Variants in WDR72 observed in about 807,000 individuals in gnomAD.
WDR72 encodes the protein WD repeat-containing protein 72.
In WDR72, 120 loss-of-function variants were observed where a neutral mutation model predicts 124.2. The ratio of observed to expected loss-of-function variants is 0.97; its 90% confidence interval spans 0.83 to 1.12. The LOEUF is 1.12. Among genes scored for constraint, WDR72 ranks in the 50% most tolerant of loss-of-function variants. The pLI, the probability that WDR72 is intolerant of heterozygous loss-of-function variation, is 0.00. For synonymous variants in WDR72, 452 were observed against 441.7 expected (o/e 1.02, Z -0.29); for missense variants, 1,387 against 1,278.8 (o/e 1.08, Z -1.29).
At chr15:53,670,255 T>C (rs1377277433) in intron 13 of WDR72, among the ~76,000 whole-genome samples, 1 of 152,232 alleles carries the variant, frequency 6.6e-6, no homozygotes, top group Non-Finnish European at 1.5e-5. Context: ...TAAGAAAAGA[T>C]AGCTTAAAGC....
chr15:53,595,399 C>G (rs1407766092), intron 18 of WDR72, among the ~76,000 whole-genome samples: 14 of 152,066 alleles, frequency 9.2e-5, no homozygotes, highest in Non-Finnish European at 1.5e-5. Flanking sequence ...ACTGCAGGAA[C>G]CTCCTTATGT....
At chr15:53,564,542 T>C (rs1211968208) in intron 18 of WDR72, among the ~76,000 whole-genome samples, 1 of 151,876 alleles carries the variant, frequency 6.6e-6, no homozygotes, top group Non-Finnish European at 1.5e-5. Context: ...CCAGGTCAAC[T>C]GCATAGCCCT....
At chr15:53,678,099 G>A (rs929039693) in intron 13 of WDR72, among the ~76,000 whole-genome samples, 2 of 152,158 alleles carry the variant, frequency 1.3e-5, no homozygotes, top group Non-Finnish European at 2.9e-5. Flanking sequence ...AGTAGGGAAT[G>A]TTTGGTTGGC....
intron 11 of WDR72, among the ~76,000 whole-genome samples, chr15:53,702,796 C>T (rs76350504): frequency 0.026 from 3,964 of 152,308 alleles, 89 homozygotes; most frequent in African/African-American, 0.053. Flanking sequence ...CATTAGTAAG[C>T]TACCAATTCC....
intron 17 of WDR72, among the ~76,000 whole-genome samples, chr15:53,602,037 A>G (rs2013067784): frequency 6.6e-6 from 1 of 152,130 alleles, no homozygotes; most frequent in African/African-American, 2.4e-5. Context: ...CAGATTATAC[A>G]TTTCTCTCAT....
chr15:53,719,678 C>A (rs2017817864), intron 3 of WDR72, among the ~76,000 whole-genome samples: 1 of 152,218 alleles, frequency 6.6e-6, no homozygotes, highest in Non-Finnish European at 1.5e-5. Flanking sequence ...AATATGGGCT[C>A]TGGGCCAGCA....
intron 18 of WDR72, among the ~76,000 whole-genome samples, chr15:53,570,676 G>T (rs545045799): frequency 2.0e-5 from 3 of 151,624 alleles, no homozygotes; most frequent in African/African-American, 7.2e-5. Context: ...CAGTTTGGAG[G>T]TCTCTCAAAG....
chr15:53,740,549 G>C (rs1247527206), intron 1 of WDR72, among the ~76,000 whole-genome samples: 1 of 152,046 alleles, frequency 6.6e-6, no homozygotes, highest in Non-Finnish European at 1.5e-5. Flanking sequence ...GCCCGCCTCC[G>C]CCTCCCAAAG....
chr15:53,640,734 G>A (rs2926884), intron 14 of WDR72, among the ~76,000 whole-genome samples: 13,878 of 151,964 alleles, frequency 0.091, 1,609 homozygotes, highest in African/African-American at 0.28. Context: ...TTTAATATTT[G>A]TTAATAATAG....
intron 18 of WDR72, among the ~76,000 whole-genome samples, chr15:53,526,217 A>G (rs1364519328): frequency 1.3e-5 from 2 of 152,052 alleles, no homozygotes; most frequent in Non-Finnish European, 2.9e-5. Context: ...ATGAAAAGTA[A>G]CTAGTAGGAA....
At chr15:53,660,914 G>C (rs927724184) in intron 14 of WDR72, among the ~76,000 whole-genome samples, 10 of 152,108 alleles carry the variant, frequency 6.6e-5, no homozygotes, top group Non-Finnish European at 1.3e-4. Context: ...GAGGGAAAAG[G>C]GAGGTGTTGA....
chr15:53,612,572 A>C (rs2013588233), intron 16 of WDR72, among the ~76,000 whole-genome samples: 1 of 152,014 alleles, frequency 6.6e-6, no homozygotes, highest in Non-Finnish European at 1.5e-5. Context: ...GTAAGAGTAA[A>C]AAGGCTAGGG....
chr15:53,674,205 ACT>A (rs893538931), intron 13 of WDR72, among the ~76,000 whole-genome samples: 66 of 152,152 alleles, frequency 4.3e-4, no homozygotes, highest in African/African-American at 1.5e-3. Context: ...TTTCAAAGTG[ACT>A]CTCTCTGAAA....
chr15:53,704,753 C>T (rs1236928844), intron 11 of WDR72, among the ~76,000 whole-genome samples: 2 of 136,620 alleles, frequency 1.5e-5, no homozygotes, highest in East Asian at 2.1e-4. Flanking sequence ...AGGATGGTCT[C>T]GATCTCCTGA....
rs200274587 is a variant in WDR72, at chr15:53,659,724, A to C, written c.1962+5848T>G. ...TTATAAAAAAAAAAAAGGATTAGAT[A>C]TTACAGAAATTTTTATTTAACTTAC... On this transcript the variant is annotated intron_variant, in intron 14 of 19. Transcript: ENST00000360509. 2.0e-5 allele frequency among the ~76,000 whole-genome samples: 3 copies of C among 152,070 alleles called. No individual in the cohort carries two copies. The East Asian group carries it at 5.8e-4, about 29-fold the overall frequency.
chr15:53,730,444 C>T (rs926445711), intron 2 of WDR72, among the ~76,000 whole-genome samples: 9 of 152,166 alleles, frequency 5.9e-5, no homozygotes, highest in Non-Finnish European at 1.3e-4. Context: ...GTGTAGTTTG[C>T]CTAATGAAAG....
intron 13 of WDR72, among the ~76,000 whole-genome samples, chr15:53,697,501 T>C (rs1411629276): frequency 6.6e-6 from 1 of 152,156 alleles, no homozygotes; most frequent in African/African-American, 2.4e-5. Flanking sequence ...TCTCACTGGG[T>C]TCCAACAACA....
intron 18 of WDR72, among the ~76,000 whole-genome samples, chr15:53,590,246 G>A (rs865887596): frequency 3.3e-5 from 5 of 151,922 alleles, no homozygotes; most frequent in Non-Finnish European, 5.9e-5. Flanking sequence ...ACTCGTATGT[G>A]TATGCCAAAT....
intron 19 of WDR72, among the ~76,000 whole-genome samples, chr15:53,521,999 A>AAAG (rs1891827144): frequency 6.6e-6 from 1 of 152,002 alleles, no homozygotes; most frequent in Non-Finnish European, 1.5e-5. Flanking sequence ...TGTCACTGCT[A>AAAG]AAGATGCCAT....
Sources: allele counts gnomAD v4.1 joint callset (sites outside exome capture counted in the v4.1 genomes callset), GRCh38; gene constraint gnomAD v4.1.1; transcripts MANE v1.5; gene names NCBI Gene and HGNC (gene_info 2026-07-23, HGNC 2026-07-21).